NHSL3: variants seen among roughly 807,000 people sequenced by gnomAD.
NHSL3 encodes the protein NHS like 3, also known as NHS-like protein 3.
chr1:32,742,269 C>T, the NHSL3 span: 1 of 1,207,602 alleles, frequency 8.3e-7, no homozygotes, highest in Non-Finnish European at 1.0e-6. Context: ...GGTCCGCGCG[C>T]GGCGTGTTGG....
chr1:32,756,482 C>CCG, the NHSL3 span, among the ~76,000 whole-genome samples: 4 of 115,356 alleles, frequency 3.5e-5, 1 homozygote, highest in African/African-American at 1.3e-4. Context: ...CCCCCCCCCC[C>CCG]GCCCATTTCT....
chr1:32,755,134 A>G, the NHSL3 span, among the ~76,000 whole-genome samples: 8 of 152,326 alleles, frequency 5.3e-5, no homozygotes, highest in East Asian at 1.9e-4. Flanking sequence ...GCGGCAGTTC[A>G]GGGTATCCCC....
the NHSL3 span, chr1:32,765,954 C>A: frequency 1.2e-6 from 1 of 852,354 alleles, no homozygotes. Flanking sequence ...GATAATGAGG[C>A]CAGAATCTCC....
the NHSL3 span, among the ~76,000 whole-genome samples, chr1:32,754,694 A>G: frequency 1.3e-5 from 2 of 152,132 alleles, no homozygotes; most frequent in Admixed American, 1.3e-4. Context: ...TCAGGCTCAC[A>G]GCAGACCCTA....
At chr1:32,745,899 C>T in the NHSL3 span, among the ~76,000 whole-genome samples, 2 of 152,038 alleles carry the variant, frequency 1.3e-5, no homozygotes, top group African/African-American at 4.8e-5. Flanking sequence ...GATAGAGTCT[C>T]ACCTTTGTCC....
the NHSL3 span, among the ~76,000 whole-genome samples, chr1:32,750,194 G>A: frequency 4.6e-5 from 7 of 152,242 alleles, no homozygotes; most frequent in African/African-American, 1.2e-4. Flanking sequence ...TCCTTGGTTA[G>A]GAGGAGTGAA....
chr1:32,772,891 C>T, the NHSL3 span: 1 of 1,614,006 alleles, frequency 6.2e-7, no homozygotes, highest in East Asian at 2.2e-5. Context: ...GGCCTGACCA[C>T]CAGGCACCTC....
the NHSL3 span, chr1:32,770,336 G>T: frequency 1.2e-6 from 2 of 1,611,794 alleles, no homozygotes; most frequent in Non-Finnish European, 1.7e-6. This position sits in a 1 kb window ranked among gnomAD's most constrained non-coding sequence, Gnocchi z 8.3. Context: ...CACTCGGCCA[G>T]CCCAGCCTCA....
At chr1:32,769,253 C>CAA in the NHSL3 span, among the ~76,000 whole-genome samples, 6 of 146,520 alleles carry the variant, frequency 4.1e-5, no homozygotes, top group African/African-American at 1.3e-4. Context: ...GACTCCATCT[C>CAA]AAAAAAAAAA....
At chr1:32,772,145 C>T in the NHSL3 span, 1 of 1,613,360 alleles carries the variant, frequency 6.2e-7, no homozygotes, top group South Asian at 1.1e-5. Flanking sequence ...CCCGTGTCCC[C>T]TGAGACCCAG....
chr1:32,765,405 G>A, the NHSL3 span, among the ~76,000 whole-genome samples: 1 of 152,214 alleles, frequency 6.6e-6, no homozygotes, highest in Non-Finnish European at 1.5e-5. Flanking sequence ...TGGCAGCTGG[G>A]ACCCCTGCCT....
At chr1:32,747,609 A>G in the NHSL3 span, among the ~76,000 whole-genome samples, 1 of 151,988 alleles carries the variant, frequency 6.6e-6, no homozygotes, top group Non-Finnish European at 1.5e-5. Context: ...AGGAAAGGAG[A>G]GCTGACCTCC....
chr1:32,764,138 G>A, the NHSL3 span, among the ~76,000 whole-genome samples: 2,443 of 152,218 alleles, frequency 0.016, 78 homozygotes, highest in African/African-American at 0.056. Context: ...TGGGATTACA[G>A]GTGTGAACCA....
At chr1:32,754,219 G>A in the NHSL3 span, 1 of 707,154 alleles carries the variant, frequency 1.4e-6, no homozygotes, top group Admixed American at 2.0e-5. Flanking sequence ...CAGGGAGGAG[G>A]GTCCCTACTG....
At chr1:32,745,549 C>A in the NHSL3 span, among the ~76,000 whole-genome samples, 1 of 103,460 alleles carries the variant, frequency 9.7e-6, no homozygotes, top group South Asian at 4.2e-4. Flanking sequence ...CAGAGCGAGA[C>A]TAGGTCTCAA....
At chr1:32,747,877 C>T in the NHSL3 span, among the ~76,000 whole-genome samples, 6 of 151,944 alleles carry the variant, frequency 3.9e-5, no homozygotes, top group Admixed American at 6.6e-5. Context: ...GGGGCCAAGG[C>T]GGGAGGGGAT....
chr1:32,765,691 T>TACGC, the NHSL3 span: 1 of 1,539,584 alleles, frequency 6.5e-7, no homozygotes, highest in Non-Finnish European at 8.7e-7. Flanking sequence ...TAGTGCTGGG[T>TACGC]TACAGTGAAG....
chr1:32,763,214 C>T, the NHSL3 span, among the ~76,000 whole-genome samples: 2 of 151,466 alleles, frequency 1.3e-5, no homozygotes, highest in Non-Finnish European at 2.9e-5. Context: ...GAACTCCTGA[C>T]CTCAAGTGAT....
At chr1:32,757,427 T>G in the NHSL3 span, among the ~76,000 whole-genome samples, 3 of 136,908 alleles carry the variant, frequency 2.2e-5, no homozygotes, top group African/African-American at 2.8e-5. Flanking sequence ...GGTGATGAGG[T>G]GAGGGCTGGG....
Sources: gnomAD v4.1 joint callset for allele counts (sites outside exome capture counted in the v4.1 genomes callset) on GRCh38, gnomAD v4.1.1 for gene constraint, Gnocchi (gnomAD v3.1) non-coding constraint, MANE v1.5 for transcripts, NCBI Gene and HGNC (gene_info 2026-07-23, HGNC 2026-07-21) for gene names.